The following TMEM212 variants were observed in gnomAD, a reference collection of about 807,000 sequenced individuals.
TMEM212 encodes the protein transmembrane protein 212.
Under a neutral mutation model 20.5 loss-of-function variants are expected in TMEM212, and 23 were observed. The ratio of observed to expected loss-of-function variants is 1.12; its 90% CI spans 0.81 to 1.59. The LOEUF is 1.59. Ranked by LOEUF, TMEM212 falls within the 40% of genes most tolerant of loss-of-function variation. The pLI, the probability that TMEM212 is intolerant of heterozygous loss-of-function variation, is 0.00. For synonymous variants in TMEM212, 76 were observed against 81.6 expected (o/e 0.93, Z 0.37); for missense variants, 211 against 215.0 (o/e 0.98, Z 0.12).
intron 3 of TMEM212, among the ~76,000 whole-genome samples, chr3:171,854,084 T>C (rs1725057415): frequency 6.6e-6 from 1 of 152,194 alleles, no homozygotes. Context: ...CCAATTTTTA[T>C]GTCAATCCAC....
intron 3 of TMEM212, among the ~76,000 whole-genome samples, chr3:171,856,366 T>C (rs1308939755): frequency 2.6e-5 from 4 of 152,196 alleles, no homozygotes; most frequent in African/African-American, 9.6e-5. Flanking sequence ...ATCAGCCTAG[T>C]AAACTGGATA....
intron 3 of TMEM212, among the ~76,000 whole-genome samples, chr3:171,855,552 G>T (rs536971014): frequency 7.4e-4 from 112 of 152,246 alleles, no homozygotes; most frequent in African/African-American, 2.5e-3. Flanking sequence ...AAGCATAAAG[G>T]ATACAGTGGT....
At chr3:171,853,951 T>A (rs1725053579) in intron 3 of TMEM212, 101 bp downstream of exon 3, 2 of 892,304 alleles carry the variant, frequency 2.2e-6, no homozygotes, top group Non-Finnish European at 3.3e-6. Context: ...TATTTACCAT[T>A]GTATCCCATA....
At position 171,853,611 on chromosome 3, in the gene TMEM212, G is replaced by A. The variant is rs1560327351; in HGVS notation, c.304G>A (p.Gly102Ser). 2.0e-6 allele frequency: 3 copies of A among 1,537,080 alleles called. No homozygotes were observed. The highest frequency in any genetic ancestry group is 1.7e-4 in the Middle Eastern group (1 of 5,990). Residue 102 changes from glycine (G) to serine (S), a missense_variant, in exon 3 of 5, where the codon GGC becomes AGC. Transcript: ENST00000334567. ...FAIALESALL[G>S]PYCFYSFSGI... is the part of the protein sequence containing the mutation. ...AATAGCCTTGGAATCTGCTCTCCTG[G>A]GCCCATATTGCTTCTATTCATTTTC...
At chr3:171,846,244 T>A (rs534946649) in intron 1 of TMEM212, among the ~76,000 whole-genome samples, 2 of 152,346 alleles carry the variant, frequency 1.3e-5, no homozygotes, top group East Asian at 3.9e-4. Flanking sequence ...CTTCAATTCT[T>A]GATTAATTCT....
chr3:171,852,314 C>T (rs572379811), intron 2 of TMEM212, among the ~76,000 whole-genome samples: 1 of 152,110 alleles, frequency 6.6e-6, no homozygotes, highest in South Asian at 2.1e-4. Context: ...GATTCTCCTG[C>T]CTCAGCCTCC....
At chr3:171,845,924 AG>A in intron 1 of TMEM212, among the ~76,000 whole-genome samples, 1 of 152,334 alleles carries the variant, frequency 6.6e-6, no homozygotes, top group Admixed American at 6.5e-5. Context: ...CCAATTTTAA[AG>A]CCCTCTTCAA....
chr3:171,849,619 T>C (rs1013551664), intron 1 of TMEM212, among the ~76,000 whole-genome samples: 5 of 152,218 alleles, frequency 3.3e-5, no homozygotes, highest in African/African-American at 1.2e-4. Context: ...ACATTGCTTG[T>C]TTGCAGTAGA....
chr3:171,853,835 G>A lies in TMEM212; in HGVS notation c.528G>A (p.Gln176=), dbSNP rs762783634. 3.3e-6 allele frequency: 5 copies of A among 1,534,830 alleles called. No homozygotes were observed. The South Asian group carries it at 4.8e-5, about 15-fold the overall frequency. ...TCAAACTTTCTGCAAGACTTATCCA[G>A]AATGGACACATAAACGTAAGTTTCA... ...VFIKLSARLI[Q]NGHINMQLPA... is the part of the protein sequence containing the mutation. Residue 176 remains glutamine (Q), a synonymous_variant, in exon 3 of 5, where the codon CAG becomes CAA. Transcript: ENST00000334567.
intron 1 of TMEM212, among the ~76,000 whole-genome samples, chr3:171,849,906 G>A (rs905234117): frequency 2.0e-5 from 3 of 152,016 alleles, no homozygotes; most frequent in Admixed American, 6.5e-5. Flanking sequence ...GGAGGCGAGT[G>A]CAGGATGGGG....
At chr3:171,856,759 C>T (rs146813429) in intron 4 of TMEM212, 52 bp downstream of exon 4, 14 of 591,574 alleles carry the variant, frequency 2.4e-5, no homozygotes, top group East Asian at 2.0e-4. Flanking sequence ...TAAAAGCACA[C>T]AGATTAATAG....
intron 4 of TMEM212, chr3:171,856,981 T>C (rs995565380): frequency 2.7e-5 from 7 of 259,714 alleles, no homozygotes; most frequent in African/African-American, 1.1e-4. Flanking sequence ...CCACAAAGTA[T>C]AGGGTAGTAC....
chr3:171,852,892 G>T (rs1578518172), intron 2 of TMEM212, among the ~76,000 whole-genome samples: 3 of 152,208 alleles, frequency 2.0e-5, no homozygotes, highest in African/African-American at 7.2e-5. Flanking sequence ...TGCAGATTCT[G>T]ATTCAGTAGA....
chr3:171,856,758 A>C lies in TMEM212; in HGVS notation c.*3+51A>C. The C allele has an allele frequency of 5.0e-6, 3 of 594,754 alleles. No individual in the cohort carries two copies. In the South Asian group the frequency reaches 6.4e-5, roughly 13 times the overall value. The allele number at this position is 594,754 out of a possible 1,614,324, so 36.8% of individuals were successfully genotyped here. A position where few individuals can be genotyped will look rare whatever the true frequency, so the allele number is the denominator to read the frequency against. ...GCCTGGGACCAGAATATAAAAGCACACAGATTAATAGAATTATAAAATTTA... is the reference window on the plus strand; with the variant it reads ...GCCTGGGACCAGAATATAAAAGCACCCAGATTAATAGAATTATAAAATTTA... On this transcript the variant is annotated intron_variant, in intron 4 of 4. Coordinates refer to ENST00000334567, the MANE Select transcript of TMEM212 (RefSeq NM_001164436.2).
At chr3:171,857,012 A>G (rs1725135149) in intron 4 of TMEM212, 1 of 204,464 alleles carries the variant, frequency 4.9e-6, no homozygotes, top group Non-Finnish European at 9.8e-6. Flanking sequence ...AGTCTAGATG[A>G]ATTAGTCACT....
chr3:171,854,677 C>G (rs1290955568), intron 3 of TMEM212, among the ~76,000 whole-genome samples: 1 of 152,136 alleles, frequency 6.6e-6, no homozygotes, highest in Non-Finnish European at 1.5e-5. Flanking sequence ...CAAAAGACCA[C>G]ACATAGCCAA....
At chr3:171,845,231 AC>A (rs1724805264) in intron 1 of TMEM212, among the ~76,000 whole-genome samples, 2 of 152,246 alleles carry the variant, frequency 1.3e-5, no homozygotes, top group East Asian at 1.9e-4. Context: ...TTAGGTGAGG[AC>A]CCAGAATGTA....
In TMEM212 at chr3:171,856,711, A is replaced by G; in HGVS notation, c.*3+4A>G. ...AAACCCTTTTTCACCATAAAAGGTA[A>G]AATGGTCTGGGGATAGAAAAGGCCT... On this transcript the variant is annotated splice_donor_region_variant and intron_variant, in intron 4 of 4. Coordinates refer to ENST00000334567, the MANE Select transcript of TMEM212 (RefSeq NM_001164436.2). The G allele has an allele frequency of 1.5e-6, 1 of 685,772 alleles. No individual in the cohort carries two copies. The highest frequency in any genetic ancestry group is 1.6e-5 in the South Asian group (1 of 64,074). The allele number at this position is 685,772 out of a possible 1,614,324, so 42.5% of individuals were successfully genotyped here.
chr3:171,847,633 G>A (rs114839560), intron 1 of TMEM212, among the ~76,000 whole-genome samples: 2,570 of 152,270 alleles, frequency 0.017, 32 homozygotes, highest in Non-Finnish European at 0.025. Flanking sequence ...ATGAGCAAAT[G>A]GGAATTTATA....
Sources: allele counts gnomAD v4.1 joint callset (sites outside exome capture counted in the v4.1 genomes callset), GRCh38; gene constraint gnomAD v4.1.1; transcripts MANE v1.5; gene names NCBI Gene and HGNC (gene_info 2026-07-23, HGNC 2026-07-21).